Variants in EXOSC4 observed in about 807,000 individuals in gnomAD.
The protein encoded by EXOSC4 is exosome component 4.
Under a neutral mutation model 20.0 loss-of-function variants are expected in EXOSC4, and 14 were observed. The observed-to-expected ratio is 0.70, with a 90% CI of 0.46 to 1.09. EXOSC4 has a LOEUF of 1.09. EXOSC4 is among the 50% of genes least tolerant of loss of function. The probability of loss-of-function intolerance (pLI) is 0.00; values close to 1 mark genes in which losing one functional copy is unlikely to be tolerated. For synonymous variants in EXOSC4, 148 were observed against 146.4 expected, an observed-to-expected ratio of 1.01 and a Z score of -0.08; for missense variants, 337 against 334.0, an observed-to-expected ratio of 1.01 and a Z score of -0.07.
chr8:144,079,872 C>T (rs1835878170), intron 1 of EXOSC4, 71 bp from the exon 2 acceptor site: 1 of 1,436,740 alleles, frequency 7.0e-7, no homozygotes. Flanking sequence ...GAGGGAGAGG[C>T]AGACCCACAG....
upstream of EXOSC4, among the ~76,000 whole-genome samples, chr8:144,075,695 T>C (rs1835830678): frequency 6.6e-6 from 1 of 152,204 alleles, no homozygotes; most frequent in Non-Finnish European, 1.5e-5. Context: ...ATATAGAAGG[T>C]TACGTTATAA....
intron 1 of EXOSC4, 134 bp downstream of exon 1, chr8:144,079,033 TCTCA>T: frequency 9.4e-7 from 1 of 1,060,398 alleles, no homozygotes; most frequent in Non-Finnish European, 1.3e-6. Context: ...CAGCACCGCA[TCTCA>T]CTCGGAGTAA....
At position 144,080,008 on chromosome 8, in the gene EXOSC4, G is replaced by A; in HGVS notation, c.237G>A (p.Ala79=). 6.2e-7 allele frequency: 1 copy of A among 1,614,074 alleles called. No homozygotes were observed. Among genetic ancestry groups the A allele is most frequent in the Non-Finnish European group, 8.5e-7 (1 of 1,180,038 alleles). ...RALVNCQYSS[A]TFSTGERKRR... ...TAGTGAACTGTCAATATAGTTCAGC[G>A]ACCTTCAGCACAGGTGAGCGCAAGC... is the stretch of plus-strand genomic sequence containing the variant. Residue 79 remains alanine, a synonymous_variant, in exon 2 of 3, where the codon GCG becomes GCA. Coordinates refer to ENST00000316052, the MANE Select transcript of EXOSC4 (RefSeq NM_019037.3). The surrounding 1 kb of genome is among the most constrained non-coding windows in gnomAD (Gnocchi z 4.9).
chr8:144,064,999 G>A, the EXOSC4 span, among the ~76,000 whole-genome samples: 1 of 151,950 alleles, frequency 6.6e-6, no homozygotes, highest in East Asian at 1.9e-4. Flanking sequence ...CCGCAACCAC[G>A]CCTGGCTAAT....
At chr8:144,065,527 G>A in the EXOSC4 span, among the ~76,000 whole-genome samples, 3 of 151,878 alleles carry the variant, frequency 2.0e-5, no homozygotes, top group Non-Finnish European at 2.9e-5. Flanking sequence ...TCAGGAGTTC[G>A]AGACCAACCT....
the EXOSC4 span, among the ~76,000 whole-genome samples, chr8:144,065,087 T>C: frequency 0.064 from 9,780 of 152,104 alleles, 964 homozygotes; most frequent in African/African-American, 0.21. Flanking sequence ...CCTCGTGATC[T>C]GCCCACCTCA....
At chr8:144,066,735 G>C in the EXOSC4 span, among the ~76,000 whole-genome samples, 161 of 152,032 alleles carry the variant, frequency 1.1e-3, 1 homozygote, top group African/African-American at 3.3e-3. Flanking sequence ...ACAAGTATGA[G>C]CCACCAAGCC....
chr8:144,067,485 T>C, the EXOSC4 span, among the ~76,000 whole-genome samples: 1 of 151,930 alleles, frequency 6.6e-6, no homozygotes. Context: ...ATGGTAAAAA[T>C]ACTGGAAAGC....
Position 144,080,344 on chromosome 8 carries a change from T to C in EXOSC4, c.481T>C (p.Ser161Pro). ...IPMRDFVCAC[S>P]AGFVDGTALA... ...CATGAGAGACTTTGTGTGTGCGTGCTCAGCTGGCTTCGTGGACGGCACAGC... is the reference window on the plus strand; with the variant it reads ...CATGAGAGACTTTGTGTGTGCGTGCCCAGCTGGCTTCGTGGACGGCACAGC... Residue 161 changes from serine to proline, a missense_variant, in exon 3 of 3, where the codon TCA (serine) becomes CCA (proline). Transcript: ENST00000316052. This position sits in a 1 kb window ranked among gnomAD's most constrained non-coding sequence, Gnocchi z 4.9. 2 of 1,613,398 alleles carry C rather than the reference T, an allele frequency of 1.2e-6. No homozygotes were observed. Among genetic ancestry groups the C allele is most frequent in the Non-Finnish European group, 1.7e-6 (2 of 1,180,020 alleles).
At chr8:144,079,597 G>C in intron 1 of EXOSC4, 1 of 412,614 alleles carries the variant, frequency 2.4e-6, no homozygotes, top group Non-Finnish European at 4.7e-6. Context: ...AGGACTTAGG[G>C]TTTTGTAGAG....
chr8:144,072,837 G>A, the EXOSC4 span, among the ~76,000 whole-genome samples: 21 of 152,196 alleles, frequency 1.4e-4, no homozygotes, highest in African/African-American at 4.3e-4. Context: ...TACTGTGAAC[G>A]GTGCTGCAAT....
In EXOSC4 at chr8:144,078,715, G is replaced by A. The variant is rs1835862656; in HGVS notation, c.-14G>A. ...AGAGAAGTAGGCAGAGAGCGGACCT[G>A]GCGGCCGGGCAGCATGGCGGGGCTG... is the stretch of plus-strand genomic sequence containing the variant. On this transcript the variant is annotated 5_prime_UTR_variant, in exon 1 of 3. Transcript: ENST00000316052. This position sits in a 1 kb window ranked among gnomAD's most constrained non-coding sequence, Gnocchi z 4.7. 1 of 1,441,160 alleles carries A rather than the reference G, an allele frequency of 6.9e-7. No individual in the cohort carries two copies. The highest frequency in any genetic ancestry group is 9.1e-7 in the Non-Finnish European group (1 of 1,094,460). The allele number at this position is 1,441,160 out of a possible 1,614,324, so 89.3% of individuals were successfully genotyped here.
chr8:144,066,575 G>A, the EXOSC4 span, among the ~76,000 whole-genome samples: 4 of 151,326 alleles, frequency 2.6e-5, no homozygotes, highest in Non-Finnish European at 5.9e-5. Context: ...CCAAGTAGCT[G>A]GGACTACAGG....
At chr8:144,067,306 A>T in the EXOSC4 span, among the ~76,000 whole-genome samples, 1 of 152,122 alleles carries the variant, frequency 6.6e-6, no homozygotes, top group African/African-American at 2.4e-5. Flanking sequence ...GGGATAAAGG[A>T]GATGGTTTTG....
At chr8:144,065,777 T>C in the EXOSC4 span, among the ~76,000 whole-genome samples, 1 of 149,046 alleles carries the variant, frequency 6.7e-6, no homozygotes, top group Admixed American at 6.6e-5. Context: ...GAAAATGGAG[T>C]AGAGTATTTT....
At chr8:144,070,553 G>A in the EXOSC4 span, among the ~76,000 whole-genome samples, 1 of 148,658 alleles carries the variant, frequency 6.7e-6, no homozygotes, top group Non-Finnish European at 1.5e-5. Context: ...GGGGCTGGGC[G>A]TGGTGGCTCA....
At chr8:144,071,419 G>T in the EXOSC4 span, among the ~76,000 whole-genome samples, 1 of 149,790 alleles carries the variant, frequency 6.7e-6, no homozygotes, top group Non-Finnish European at 1.5e-5. Context: ...CCAAGTAGCT[G>T]GGATTATAGG....
At chr8:144,070,850 T>G in the EXOSC4 span, among the ~76,000 whole-genome samples, 2 of 151,960 alleles carry the variant, frequency 1.3e-5, no homozygotes, top group Admixed American at 6.6e-5. Flanking sequence ...AATTTTTTTT[T>G]CAGAGAAATT....
the EXOSC4 span, among the ~76,000 whole-genome samples, chr8:144,069,934 G>A: frequency 6.6e-6 from 1 of 152,220 alleles, no homozygotes; most frequent in Admixed American, 6.5e-5. Flanking sequence ...CTAGTCCAGA[G>A]CATTAATTAG....
Sources: allele counts gnomAD v4.1 joint callset (sites outside exome capture counted in the v4.1 genomes callset), GRCh38; gene constraint gnomAD v4.1.1; non-coding constraint Gnocchi (gnomAD v3.1); transcripts MANE v1.5; gene names NCBI Gene and HGNC (gene_info 2026-07-23, HGNC 2026-07-21).